Variants in PTK2B observed in about 807,000 individuals in gnomAD.
PTK2B encodes the protein protein-tyrosine kinase 2-beta.
In PTK2B, 71 loss-of-function variants were observed where a neutral mutation model predicts 142.9. The observed-to-expected ratio is 0.50, with a 90% CI of 0.41 to 0.61. The LOEUF is 0.61. Ranked by LOEUF, PTK2B falls within the 20% of genes least tolerant of loss-of-function variation. The pLI is 0.00. For missense variants in PTK2B, 1,105 were observed against 1,320.4 expected, an observed-to-expected ratio of 0.84 and a Z score of 2.53; for synonymous variants, 519 against 503.4, an observed-to-expected ratio of 1.03 and a Z score of -0.42.
At chr8:27,347,539 A>G (rs191133491) in intron 1 of PTK2B, among the ~76,000 whole-genome samples, 44 of 152,164 alleles carry the variant, frequency 2.9e-4, no homozygotes, top group Non-Finnish European at 4.4e-4. Context: ...AGGCCTCTCT[A>G]TTTGGCTTGC....
At chr8:27,336,975 T>TCCCCCCCCCCCCCCCCCCCCCCC (rs1429988237) in intron 1 of PTK2B, among the ~76,000 whole-genome samples, 1 of 61,326 alleles carries the variant, frequency 1.6e-5, no homozygotes, top group African/African-American at 6.0e-5. Context: ...CCACCACCCG[T>TCCCCCCCCCCCCCCCCCCCCCCC]CCCCCCTCCC....
At chr8:27,419,489 T>C (rs138882776) in intron 2 of PTK2B, among the ~76,000 whole-genome samples, 1 of 152,360 alleles carries the variant, frequency 6.6e-6, no homozygotes, top group East Asian at 1.9e-4. Flanking sequence ...AAATCATGTC[T>C]GCAAAGGGCC....
chr8:27,310,635 A>G (rs1802911372), upstream of PTK2B, among the ~76,000 whole-genome samples: 1 of 152,238 alleles, frequency 6.6e-6, no homozygotes, highest in African/African-American at 2.4e-5. Context: ...ACCTTGAAGA[A>G]GCAGCCAGCC....
Position 27,397,696 on chromosome 8 carries a change from G to C in PTK2B, c.112G>C (p.Val38Leu), listed in dbSNP as rs144750616. ...ACCAGTAGATGTGGAAAAGGAGGAC[G>C]TGCGTATCCTCAAGGTCTGCTTCTA... ...VVPVDVEKED[V>L]RILKVCFYSN... The change falls in exon 2 of 31, where the codon GTG (valine) becomes CTG (leucine). Residue 38 changes from valine (V) to leucine (L), a missense_variant. Coordinates refer to ENST00000346049, the MANE Select transcript of PTK2B (RefSeq NM_173176.3). The C allele has an allele frequency of 6.2e-6, 10 of 1,614,152 alleles. No homozygotes were observed. The East Asian group carries it at 2.2e-4, about 36-fold the overall frequency.
rs150824776 is a variant in PTK2B at position 27,445,131 on chromosome 8, A to T, written c.2215-663A>T. Among the ~76,000 whole-genome samples the T allele has an allele frequency of 2.1e-3, 320 of 152,324 alleles. 1 individual carries two copies. Among genetic ancestry groups the T allele is most frequent in the African/African-American group, 7.3e-3 (304 of 41,574 alleles). On this transcript the variant is annotated intron_variant, in intron 23 of 30. Coordinates refer to ENST00000346049, the MANE Select transcript of PTK2B (RefSeq NM_173176.3). ...ACACCTGTAGTCCCAGCTACTAAGG[A>T]GGGTGAGATGGGAGGATTCATTGAG...
rs574241571 is a variant in PTK2B, at chr8:27,371,779, C to T, written c.-37-25769C>T. On this transcript the variant is annotated intron_variant, in intron 1 of 30. Transcript: ENST00000346049. ...GCCAGGCTGGTCTCGAACTCCTGAC[C>T]TCAGGTGGTCTGCCTACCTTGGCCC... 4.6e-5 allele frequency among the ~76,000 whole-genome samples: 7 copies of T among 152,270 alleles called. 1 individual carries two copies. The highest frequency in any genetic ancestry group is 1.7e-4 in the African/African-American group (7 of 41,540).
chr8:27,344,674 C>T (rs1006418556), intron 1 of PTK2B, among the ~76,000 whole-genome samples: 1 of 152,158 alleles, frequency 6.6e-6, no homozygotes. Flanking sequence ...TTCAGCCCCT[C>T]AGCCTGGGGC....
At chr8:27,324,736 A>G (rs1803316008), upstream of PTK2B, among the ~76,000 whole-genome samples, 1 of 152,190 alleles carries the variant, frequency 6.6e-6, no homozygotes, top group Non-Finnish European at 1.5e-5. Context: ...TGGAGAGGAC[A>G]TTGTAGGATG....
chr8:27,369,533 G>T (rs187291594), intron 1 of PTK2B, among the ~76,000 whole-genome samples: 1 of 149,480 alleles, frequency 6.7e-6, no homozygotes, highest in Non-Finnish European at 1.5e-5. Context: ...AGCCAGGCGT[G>T]GTGGTGGGTG....
At chr8:27,383,626 C>A (rs969907970) in intron 1 of PTK2B, among the ~76,000 whole-genome samples, 2 of 152,018 alleles carry the variant, frequency 1.3e-5, no homozygotes, top group African/African-American at 4.8e-5. Flanking sequence ...AAAAAATATC[C>A]TCTCTTATTA....
At chr8:27,448,983 C>T (rs925841391) in intron 24 of PTK2B, among the ~76,000 whole-genome samples, 5 of 152,174 alleles carry the variant, frequency 3.3e-5, no homozygotes, top group African/African-American at 1.2e-4. Flanking sequence ...GTTATTTTCC[C>T]TCTGAGAGGA....
chr8:27,449,916 C>T (rs1811699041), intron 24 of PTK2B, among the ~76,000 whole-genome samples: 1 of 152,128 alleles, frequency 6.6e-6, no homozygotes, highest in Non-Finnish European at 1.5e-5. Flanking sequence ...CTCTATCAAA[C>T]TATATTTCTT....
chr8:27,316,337 C>G (rs1803094219), intron 3 of PTK2B, among the ~76,000 whole-genome samples: 1 of 150,794 alleles, frequency 6.6e-6, no homozygotes, highest in South Asian at 2.1e-4. Context: ...GTGGCTACTG[C>G]AAATAAAGGC....
rs753217488 is a variant in PTK2B, at chr8:27,442,934, G to A, written c.2099G>A (p.Arg700Gln). 179 of 1,614,038 alleles carry A rather than the reference G, an allele frequency of 1.1e-4. No individual in the cohort carries two copies. Among genetic ancestry groups the A allele is most frequent in the Non-Finnish European group, 1.4e-4 (166 of 1,180,020 alleles). The change falls in exon 22 of 31, where the codon CGA (arginine) becomes CAA (glutamine). Residue 700 changes from arginine (R) to glutamine (Q), a missense_variant. Physicochemically the swap from Arg to Gln is conservative, Grantham distance 43 (BLOSUM62 1). Transcript: ENST00000346049. Reference protein sequence around the residue: ...AMEQERNARYRTPKILEPTAF... With the variant: ...AMEQERNARYQTPKILEPTAF... Reference sequence around the variant, plus strand: ...GAGCAAGAGAGGAATGCTCGCTACCGAACCCCCAAAATCTTGGAGCCCACA... The same window carrying A: ...GAGCAAGAGAGGAATGCTCGCTACCAAACCCCCAAAATCTTGGAGCCCACA...
At chr8:27,310,903 G>C, upstream of PTK2B, 1 of 1,612,884 alleles carries the variant, frequency 6.2e-7, no homozygotes, top group Non-Finnish European at 8.5e-7. Context: ...CCTCGAGGCA[G>C]AAGAGGCTGA....
In PTK2B at chr8:27,440,296, A is replaced by T; in HGVS notation, c.1894A>T (p.Lys632Ter). The T allele has an allele frequency of 6.2e-7, 1 of 1,614,172 alleles. No individual in the cohort carries two copies. Among genetic ancestry groups the T allele is most frequent in the Non-Finnish European group, 8.5e-7 (1 of 1,180,014 alleles). The change falls in exon 21 of 31, where the codon AAG (lysine) becomes TAG (stop). Residue 632 changes from lysine to a stop codon, truncating the protein, a stop_gained. Coordinates refer to ENST00000346049, the MANE Select transcript of PTK2B (RefSeq NM_173176.3). LOFTEE classifies it high-confidence loss of function. ...GCAGCCCTTCTTCTGGCTGGAGAAC[A>T]AGGATGTCATCGGGGTGCTGGAGAA... ...GKQPFFWLEN[K>*]DVIGVLEKGD...
chr8:27,378,541 G>A (rs1429896552), intron 1 of PTK2B, among the ~76,000 whole-genome samples: 9 of 151,964 alleles, frequency 5.9e-5, no homozygotes, highest in African/African-American at 1.7e-4. Context: ...CAAGTTATCC[G>A]AGTGTTGCTC....
chr8:27,453,055 C>T (rs939288942), intron 27 of PTK2B, 59 bp from the exon 28 acceptor site: 73 of 1,590,038 alleles, frequency 4.6e-5, no homozygotes, highest in Middle Eastern at 4.1e-4. Context: ...TCAGCAGGTA[C>T]GAAGGGAAGG....
chr8:27,344,829 A>T (rs888982122), intron 1 of PTK2B, among the ~76,000 whole-genome samples: 16 of 152,226 alleles, frequency 1.1e-4, no homozygotes, highest in African/African-American at 3.9e-4. Context: ...CAGACCATAC[A>T]GAACACTTAC....
Sources: allele counts gnomAD v4.1 joint callset (sites outside exome capture counted in the v4.1 genomes callset), GRCh38; gene constraint gnomAD v4.1.1; transcripts MANE v1.5; gene names NCBI Gene and HGNC (gene_info 2026-07-23, HGNC 2026-07-21).